EVI5: variants seen among roughly 807,000 people sequenced by gnomAD.
EVI5 encodes the protein ecotropic viral integration site 5.
In EVI5, 73 loss-of-function variants were observed where a neutral mutation model predicts 112.0. The ratio of observed to expected loss-of-function variants is 0.65; its 90% CI spans 0.54 to 0.79. The LOEUF (loss-of-function observed/expected upper bound fraction) is 0.79. EVI5 is among the 30% of genes least tolerant of loss of function. EVI5 has a pLI of 0.00. For missense variants in EVI5, 900 were observed against 968.8 expected, an observed-to-expected ratio of 0.93 and a Z score of 0.94; for synonymous variants, 305 against 319.9, an observed-to-expected ratio of 0.95 and a Z score of 0.50.
intron 1 of EVI5, among the ~76,000 whole-genome samples, chr1:92,757,555 T>C (rs1489233216): frequency 4.6e-5 from 7 of 152,044 alleles, no homozygotes; most frequent in Non-Finnish European, 8.8e-5. Context: ...TATAGGTATA[T>C]GGATTTATGC....
At position 92,747,716 on chromosome 1, in the gene EVI5, C is replaced by CAAAAAAAAAAAAAAAAAAA. The variant is rs3042578; in HGVS notation, c.-81-11090_-81-11089insTTTTTTTTTTTTTTTTTTT. 7.2e-5 allele frequency among the ~76,000 whole-genome samples: 6 copies of CAAAAAAAAAAAAAAAAAAA among 83,546 alleles called. 3 individuals carry two copies. The highest frequency in any genetic ancestry group is 8.7e-5 in the Non-Finnish European group (4 of 45,718). The allele number at this position is 83,546 out of a possible 152,430, so 54.8% of individuals were successfully genotyped here. On this transcript the variant is annotated intron_variant, in intron 1 of 19. Transcript: ENST00000684568. The stretch of plus-strand genomic sequence containing the variant: ...GTGACAGAGCCAGACTCCATCTCAC[C>CAAAAAAAAAAAAAAAAAAA]AAAAAAAAAAACAAAAAAAAAAACC...
At chr1:92,537,784 TAAAA>T (rs200935840) in intron 19 of EVI5, among the ~76,000 whole-genome samples, 1 of 143,776 alleles carries the variant, frequency 7.0e-6, no homozygotes, top group Non-Finnish European at 1.5e-5. Flanking sequence ...CTACAGTACT[TAAAA>T]AAAAAAAACT....
intron 19 of EVI5, among the ~76,000 whole-genome samples, chr1:92,537,838 C>T (rs1332952543): frequency 1.3e-5 from 2 of 149,338 alleles, no homozygotes; most frequent in Non-Finnish European, 3.0e-5. Flanking sequence ...ATACTAGGTA[C>T]ATAATGCTGA....
chr1:92,687,999 G>A (rs1381086297), intron 9 of EVI5, among the ~76,000 whole-genome samples: 1 of 152,176 alleles, frequency 6.6e-6, no homozygotes, highest in African/African-American at 2.4e-5. Context: ...TCTAGAACTA[G>A]AAATACCATT....
intron 13 of EVI5, among the ~76,000 whole-genome samples, chr1:92,648,360 G>A (rs568905578): frequency 6.9e-5 from 10 of 144,138 alleles, no homozygotes; most frequent in African/African-American, 2.2e-4. Flanking sequence ...GCAACAGAGC[G>A]AGACTCAGTC....
At chr1:92,574,129 T>A (rs932104474) in intron 18 of EVI5, among the ~76,000 whole-genome samples, 2 of 152,134 alleles carry the variant, frequency 1.3e-5, no homozygotes, top group African/African-American at 4.8e-5. Context: ...ACCTGGATTG[T>A]TTGATAACGA....
chr1:92,764,728 A>C (rs1477909761), intron 1 of EVI5, among the ~76,000 whole-genome samples: 1 of 152,244 alleles, frequency 6.6e-6, no homozygotes, highest in Non-Finnish European at 1.5e-5. Flanking sequence ...TAGTATTAAA[A>C]GATTTTTCAA....
chr1:92,646,743 C>T (rs979879846), intron 13 of EVI5, among the ~76,000 whole-genome samples: 1 of 152,184 alleles, frequency 6.6e-6, no homozygotes, highest in African/African-American at 2.4e-5. Flanking sequence ...AATGCTTTGT[C>T]ACACCAACAG....
rs573650403 is a variant in EVI5 at position 92,663,022 on chromosome 1, T to C, written c.1246-157A>G. 1.6e-3 allele frequency among the ~76,000 whole-genome samples: 236 copies of C among 151,284 alleles called. 1 individual carries two copies. Among genetic ancestry groups the C allele is most frequent in the African/African-American group, 5.6e-3 (233 of 41,244 alleles). On this transcript the variant is annotated intron_variant, in intron 12 of 19. Transcript: ENST00000684568. ...TACGTAATCATTAGCTAGCAGCTTG[T>C]TATTGCTCCAGCAAATTTTCGGAAA... is the stretch of plus-strand genomic sequence containing the variant.
At chr1:92,547,460 C>A (rs1297736095) in intron 19 of EVI5, among the ~76,000 whole-genome samples, 1 of 151,990 alleles carries the variant, frequency 6.6e-6, no homozygotes, top group African/African-American at 2.4e-5. Context: ...AGAGCAAACA[C>A]ATTCAAAAGC....
rs138721424 is a variant in EVI5 at position 92,713,756 on chromosome 1, G to A, written c.150-9012C>T. 3.8e-4 allele frequency among the ~76,000 whole-genome samples: 58 copies of A among 152,230 alleles called. No homozygotes were observed. The East Asian group carries it at 0.01, about 26-fold the overall frequency. On this transcript the variant is annotated intron_variant, in intron 2 of 19. Transcript: ENST00000684568. ...TGCACCACTGCACTCCAGCCTGGCC[G>A]ACAGAGTAAGACCCTGTCTCATAAA...
intron 19 of EVI5, 148 bp downstream of exon 19, chr1:92,563,494 C>G (rs1266263554): frequency 1.3e-5 from 6 of 448,030 alleles, no homozygotes; most frequent in African/African-American, 6.0e-5. Context: ...GCTAAAAAGA[C>G]AATTTTCAAA....
At chr1:92,568,718 C>T (rs1037247565) in intron 18 of EVI5, among the ~76,000 whole-genome samples, 2 of 152,198 alleles carry the variant, frequency 1.3e-5, no homozygotes, top group African/African-American at 4.8e-5. Context: ...CCTCCTCCTC[C>T]TCAGCCTAAT....
In EVI5 at chr1:92,717,640, C is replaced by T. The variant is rs143020158; in HGVS notation, c.150-12896G>A. The stretch of plus-strand genomic sequence containing the variant: ...ACTATGAAGAAACTGTATCAATTAA[C>T]GGGCAAAATAACCAGCTAGCATCAT... On this transcript the variant is annotated intron_variant, in intron 2 of 19. Transcript: ENST00000684568. 5.9e-3 allele frequency among the ~76,000 whole-genome samples: 901 copies of T among 152,198 alleles called. 9 individuals are homozygous for T. Among genetic ancestry groups the T allele is most frequent in the African/African-American group, 0.019 (797 of 41,530 alleles).
chr1:92,622,773 C>A (rs1353102753), intron 16 of EVI5, among the ~76,000 whole-genome samples: 1 of 152,200 alleles, frequency 6.6e-6, no homozygotes, highest in African/African-American at 2.4e-5. Context: ...TCCAAAATCA[C>A]ACTTATTAGT....
chr1:92,652,063 T>C (rs1471805474), intron 13 of EVI5, among the ~76,000 whole-genome samples: 1 of 152,146 alleles, frequency 6.6e-6, no homozygotes, highest in Admixed American at 6.5e-5. Flanking sequence ...CATAGCAACA[T>C]TATCCACAAT....
In EVI5 at chr1:92,509,394, C is replaced by T. The variant is rs995003384; in HGVS notation, c.*4262G>A. The T allele has an allele frequency of 8.5e-5, 13 of 152,648 alleles. No individual in the cohort carries two copies. Among genetic ancestry groups the T allele is most frequent in the African/African-American group, 2.9e-4 (12 of 41,348 alleles). The allele number at this position is 152,648 out of a possible 1,614,324, so 9.5% of individuals were successfully genotyped here. On this transcript the variant is annotated 3_prime_UTR_variant, in exon 20 of 20. Transcript: ENST00000684568. Reference sequence around the variant, plus strand: ...TGTCATCTCAGCAAACACTGAATACCTAGTATCTAGCCAAAAAACAAACAA... The same window carrying T: ...TGTCATCTCAGCAAACACTGAATACTTAGTATCTAGCCAAAAAACAAACAA...
chr1:92,535,047 T>C (rs1297408889), intron 19 of EVI5, among the ~76,000 whole-genome samples: 1 of 151,872 alleles, frequency 6.6e-6, no homozygotes, highest in East Asian at 1.9e-4. Context: ...AGGGCTAATA[T>C]CCAGAATCTA....
intron 19 of EVI5, among the ~76,000 whole-genome samples, chr1:92,524,942 C>A (rs1571310127): frequency 6.6e-6 from 1 of 151,368 alleles, no homozygotes; most frequent in African/African-American, 2.4e-5. Flanking sequence ...ATTCTCCTGC[C>A]TCAGCCTCCT....
Sources: gnomAD v4.1 joint callset for allele counts (sites outside exome capture counted in the v4.1 genomes callset) on GRCh38, gnomAD v4.1.1 for gene constraint, MANE v1.5 for transcripts, NCBI Gene and HGNC (gene_info 2026-07-23, HGNC 2026-07-21) for gene names.